The following ZNF10 variants were observed in gnomAD, a reference collection of about 807,000 sequenced individuals.
The protein encoded by ZNF10 is zinc finger protein 10.
In ZNF10, 8 loss-of-function variants were observed where a neutral mutation model predicts 12.2. The ratio of observed to expected loss-of-function variants is 0.66; its 90% CI spans 0.39 to 1.18. The LOEUF (loss-of-function observed/expected upper bound fraction) is 1.18. Among genes scored for constraint, ZNF10 ranks in the 50% most tolerant of loss-of-function variants. ZNF10 has a pLI of 0.01. For synonymous variants in ZNF10, 229 were observed against 228.2 expected (o/e 1.00, Z -0.03); for missense variants, 603 against 678.9 (o/e 0.89, Z 1.24).
chr12:133,140,970 C>G (rs1955941357), intron 1 of ZNF10, among the ~76,000 whole-genome samples: 1 of 152,038 alleles, frequency 6.6e-6, no homozygotes, highest in African/African-American at 2.4e-5. Context: ...ACTACTTGAG[C>G]CAGGGAAAGA....
chr12:133,138,481 A>G (rs937764288), intron 1 of ZNF10, among the ~76,000 whole-genome samples: 4 of 152,014 alleles, frequency 2.6e-5, no homozygotes, highest in Non-Finnish European at 5.9e-5. Context: ...TGAGGCCACA[A>G]TAACCTCCCT....
chr12:133,157,912 C>CATTTTAGTG lies in ZNF10; in HGVS notation c.*945_*953dup, dbSNP rs576641168. ...ATTTGAACATATCAGGGAGGGTCCC[C>CATTTTAGTG]ATTTTAGTGGGAACAAGTATTTAAA... On this transcript the variant is annotated 3_prime_UTR_variant, in exon 5 of 5. Transcript: ENST00000248211. 4.9e-4 allele frequency: 74 copies of CATTTTAGTG among 152,298 alleles called. No individual in the cohort carries two copies. Among genetic ancestry groups the CATTTTAGTG allele is most frequent in the African/African-American group, 1.8e-3 (74 of 41,560 alleles). 9.4% of individuals were successfully genotyped at this position (152,298 alleles called of 1,614,324 possible). A position where few individuals can be genotyped will look rare whatever the true frequency, so the allele number is the denominator to read the frequency against.
At chr12:133,155,283 T>C (rs1002128914) in intron 4 of ZNF10, among the ~76,000 whole-genome samples, 3 of 152,172 alleles carry the variant, frequency 2.0e-5, no homozygotes, top group African/African-American at 7.2e-5. Context: ...TGCTGTGTCC[T>C]GTGGCTTCTC....
At chr12:133,146,154 C>T (rs116157853) in intron 2 of ZNF10, among the ~76,000 whole-genome samples, 1,702 of 152,250 alleles carry the variant, frequency 0.011, 41 homozygotes, top group African/African-American at 0.038. Context: ...AGTGTCATCA[C>T]CATTAGGCCT....
At chr12:133,134,538 C>T (rs772138772) in intron 1 of ZNF10, among the ~76,000 whole-genome samples, 1 of 152,068 alleles carries the variant, frequency 6.6e-6, no homozygotes, top group Admixed American at 6.5e-5. Flanking sequence ...TTTAGCCCTC[C>T]GAAACCTGTA....
chr12:133,143,202 C>A (rs1955956506), intron 1 of ZNF10, among the ~76,000 whole-genome samples: 2 of 152,026 alleles, frequency 1.3e-5, no homozygotes, highest in African/African-American at 4.8e-5. Context: ...TATGGAGTTA[C>A]CACTGAGTGG....
intron 1 of ZNF10, among the ~76,000 whole-genome samples, chr12:133,138,672 C>T (rs1480786093): frequency 2.6e-5 from 4 of 152,112 alleles, no homozygotes; most frequent in African/African-American, 9.7e-5. Flanking sequence ...TTCTTGCTTC[C>T]TGTAAGTAAT....
In ZNF10 at chr12:133,155,837, T is replaced by C. The variant is rs1332522521; in HGVS notation, c.591T>C (p.His197=). 6.2e-6 allele frequency: 10 copies of C among 1,613,592 alleles called. No individual in the cohort carries two copies. The highest frequency in any genetic ancestry group is 8.5e-6 in the Non-Finnish European group (10 of 1,179,870). The change falls in exon 5 of 5, where the codon CAT becomes CAC. Residue 197 remains histidine, a synonymous_variant. Transcript: ENST00000248211. ...ACTCACATACTAAAAGTTTAAAACA[T>C]GATTTAGTTCTTAATGGTCATCAGG... The part of the protein sequence containing the change: ...KRDSHTKSLK[H]DLVLNGHQDS...
chr12:133,140,891 T>C (rs898651420), intron 1 of ZNF10, among the ~76,000 whole-genome samples: 1 of 152,146 alleles, frequency 6.6e-6, no homozygotes, highest in Non-Finnish European at 1.5e-5. Context: ...GCAGGAGAAT[T>C]CTGGAGATCT....
At chr12:133,147,306 T>A (rs1211173684) in intron 2 of ZNF10, among the ~76,000 whole-genome samples, 1 of 152,216 alleles carries the variant, frequency 6.6e-6, no homozygotes, top group Non-Finnish European at 1.5e-5. Context: ...CAAGAGTACG[T>A]TTAACTTTAT....
chr12:133,144,376 A>G, intron 1 of ZNF10, 58 bp from the exon 2 acceptor site: 1 of 1,051,072 alleles, frequency 9.5e-7, no homozygotes, highest in Admixed American at 2.2e-5. Flanking sequence ...TTAGACTGAC[A>G]ATTTAGGGAG....
intron 1 of ZNF10, among the ~76,000 whole-genome samples, chr12:133,140,115 A>C (rs928358159): frequency 6.7e-6 from 1 of 148,534 alleles, no homozygotes; most frequent in African/African-American, 2.5e-5. Flanking sequence ...AGGCGGGAGG[A>C]TCACTTGAGC....
chr12:133,148,877 C>T (rs1303645161), intron 2 of ZNF10, among the ~76,000 whole-genome samples: 3 of 151,540 alleles, frequency 2.0e-5, no homozygotes, highest in Admixed American at 6.6e-5. Context: ...CTCAGCCTCC[C>T]GAGTAGCTGA....
At chr12:133,146,436 C>T (rs1419454730) in intron 2 of ZNF10, among the ~76,000 whole-genome samples, 1 of 152,188 alleles carries the variant, frequency 6.6e-6, no homozygotes, top group African/African-American at 2.4e-5. Context: ...ATACAGATCT[C>T]ATAGGACATT....
At position 133,156,590 on chromosome 12, in the gene ZNF10, T is replaced by A; in HGVS notation, c.1344T>A (p.Leu448=). Reference sequence around the variant, plus strand: ...AATGTTTTAGTCGAAGCTCTCACCTTTATTCACATCAAAGAACCCACACTG... The same window carrying A: ...AATGTTTTAGTCGAAGCTCTCACCTATATTCACATCAAAGAACCCACACTG... ...CGKCFSRSSH[L]YSHQRTHTGE... The change falls in exon 5 of 5, where the codon CTT becomes CTA. Residue 448 remains leucine, a synonymous_variant. Transcript: ENST00000248211. The A allele has an allele frequency of 6.2e-7, 1 of 1,613,890 alleles. No homozygotes were observed. The highest frequency in any genetic ancestry group is 8.5e-7 in the Non-Finnish European group (1 of 1,179,964).
At chr12:133,151,001 G>A (rs761701992) in intron 2 of ZNF10, 27 bp from the exon 3 acceptor site, 1 of 1,605,640 alleles carries the variant, frequency 6.2e-7, no homozygotes, top group South Asian at 1.1e-5. Flanking sequence ...CATATCTGGT[G>A]CAATGCAAAT....
chr12:133,155,685 T>G lies in ZNF10; in HGVS notation c.439T>G (p.Leu147Val). Residue 147 changes from leucine (L) to valine (V), a missense_variant, in exon 5 of 5, where the codon TTG becomes GTG. Around this residue, in one of 3 missense-constraint regions of ZNF10, gnomAD observed 393 missense variants for 399.7 expected, o/e 0.98. Transcript: ENST00000248211. ...GTATCAGGAAAACCCAGAGAGACAT[T>G]TGAGGCAAGTGGCATTCACCCAAAA... ...DKYQENPERH[L>V]RQVAFTQKKV... 2.5e-6 allele frequency: 4 copies of G among 1,612,530 alleles called. No homozygotes were observed. Among genetic ancestry groups the G allele is most frequent in the Non-Finnish European group, 3.4e-6 (4 of 1,179,570 alleles).
chr12:133,144,134 G>A (rs900045000), intron 1 of ZNF10: 8 of 170,648 alleles, frequency 4.7e-5, no homozygotes, highest in African/African-American at 1.9e-4. Flanking sequence ...GGTCAGGTTT[G>A]GTATTTTTTT....
intron 1 of ZNF10, among the ~76,000 whole-genome samples, chr12:133,138,862 C>T (rs1289986699): frequency 1.3e-5 from 2 of 152,202 alleles, no homozygotes. Context: ...ATAAAGGAAC[C>T]GTCTGGGTTC....
Sources: gnomAD v4.1 joint callset for allele counts (sites outside exome capture counted in the v4.1 genomes callset) on GRCh38, gnomAD v4.1.1 for gene constraint, gnomAD v4.1.1 regional missense constraint, MANE v1.5 for transcripts, NCBI Gene and HGNC (gene_info 2026-07-23, HGNC 2026-07-21) for gene names.